PRDM1: variants seen among roughly 807,000 people sequenced by gnomAD.
PRDM1 encodes the protein PR domain zinc finger protein 1.
PRDM1 carries 13 observed loss-of-function variants against 62.8 expected under a neutral mutation model. The observed-to-expected ratio is 0.21, with a 90% CI of 0.13 to 0.33. The LOEUF (loss-of-function observed/expected upper bound fraction) is 0.33, where lower values mean the gene tolerates loss of function less well. Ranked by LOEUF, PRDM1 falls within the 10% of genes least tolerant of loss-of-function variation. PRDM1 has a pLI of 1.00. For missense variants in PRDM1, 895 were observed against 1,058.8 expected (o/e 0.85, Z 2.15); for synonymous variants, 396 against 417.6 (o/e 0.95, Z 0.63).
At chr6:106,011,796 T>C (rs1391523823) in intron 1 of PRDM1, among the ~76,000 whole-genome samples, 1 of 151,934 alleles carries the variant, frequency 6.6e-6, no homozygotes, top group African/African-American at 2.4e-5. Flanking sequence ...GTCAGCCTCC[T>C]GCCTCAGTCA....
intron 1 of PRDM1, among the ~76,000 whole-genome samples, chr6:106,025,040 GA>G (rs138388470): frequency 1.5e-4 from 23 of 150,704 alleles, no homozygotes; most frequent in African/African-American, 3.7e-4. Flanking sequence ...ATCTCGTTAA[GA>G]AAAAAAAATG....
chr6:106,074,803 C>G (rs1773576611), intron 1 of PRDM1, among the ~76,000 whole-genome samples: 1 of 152,132 alleles, frequency 6.6e-6, no homozygotes, highest in Non-Finnish European at 1.5e-5. Context: ...GGCGAAACCC[C>G]ATCTCTACTA....
At chr6:106,073,704 T>G (rs1404104069) in intron 1 of PRDM1, among the ~76,000 whole-genome samples, 5 of 152,214 alleles carry the variant, frequency 3.3e-5, no homozygotes, top group African/African-American at 1.2e-4. Context: ...GTTGGAATCA[T>G]GATCAGTCAC....
At chr6:106,069,352 A>G (rs1773477727) in intron 1 of PRDM1, among the ~76,000 whole-genome samples, 1 of 152,166 alleles carries the variant, frequency 6.6e-6, no homozygotes, top group African/African-American at 2.4e-5. Flanking sequence ...AAAAAAATCA[A>G]AGTTATCAAA....
At chr6:106,060,105 G>A (rs561318251) in intron 1 of PRDM1, among the ~76,000 whole-genome samples, 7 of 152,172 alleles carry the variant, frequency 4.6e-5, no homozygotes, top group African/African-American at 7.2e-5. Flanking sequence ...TGTAGTTAAT[G>A]TATTCAATCC....
At chr6:106,098,683 G>A in intron 3 of PRDM1, 1 of 1,364,160 alleles carries the variant, frequency 7.3e-7, no homozygotes, top group Non-Finnish European at 9.7e-7. Flanking sequence ...TATGGCAGGT[G>A]AAGTTCACCT....
intron 3 of PRDM1, among the ~76,000 whole-genome samples, chr6:106,096,655 TCCAACCAAAAGATCTAG>T (rs1774125065): frequency 1.3e-5 from 2 of 152,220 alleles, no homozygotes; most frequent in Non-Finnish European, 2.9e-5. Flanking sequence ...TCCTATAGCA[TCCAACCAAAAGATCTAG>T]CCAGTACAAT....
intron 1 of PRDM1, among the ~76,000 whole-genome samples, chr6:105,995,961 G>C (rs946053266): frequency 5.9e-5 from 9 of 152,188 alleles, no homozygotes; most frequent in African/African-American, 1.9e-4. Context: ...TCCTTGCTCT[G>C]TGTTGGAAAA....
chr6:106,041,370 T>G (rs1419920133), intron 1 of PRDM1, among the ~76,000 whole-genome samples: 1 of 152,268 alleles, frequency 6.6e-6, no homozygotes, highest in Non-Finnish European at 1.5e-5. Context: ...GAAAAATATC[T>G]GGGACATCTG....
chr6:106,075,930 A>G (rs887136296), intron 1 of PRDM1, among the ~76,000 whole-genome samples: 1 of 151,360 alleles, frequency 6.6e-6, no homozygotes, highest in African/African-American at 2.4e-5. Context: ...AATAAAAATC[A>G]CTACAGGGAA....
At chr6:105,999,107 T>C (rs1008853332) in intron 1 of PRDM1, among the ~76,000 whole-genome samples, 1 of 151,738 alleles carries the variant, frequency 6.6e-6, no homozygotes, top group African/African-American at 2.4e-5. Flanking sequence ...CCAGCTAATT[T>C]TGTTTAATTT....
At chr6:106,051,995 A>G (rs1773183056) in intron 1 of PRDM1, among the ~76,000 whole-genome samples, 1 of 152,218 alleles carries the variant, frequency 6.6e-6, no homozygotes, top group African/African-American at 2.4e-5. Flanking sequence ...ATAGACACAG[A>G]AAGTAGAATA....
chr6:105,992,774 C>A (rs1393424596), upstream of PRDM1, among the ~76,000 whole-genome samples: 1 of 152,256 alleles, frequency 6.6e-6, no homozygotes, highest in African/African-American at 2.4e-5. Context: ...TGCCTGTAAA[C>A]CTCGAGAGCT....
intron 1 of PRDM1, among the ~76,000 whole-genome samples, chr6:106,034,736 A>G (rs2114570390): frequency 6.7e-6 from 1 of 148,424 alleles, no homozygotes; most frequent in South Asian, 2.1e-4. Context: ...GGTTCAAGTG[A>G]TTCTCCTGTC....
At chr6:106,076,054 C>G (rs531460617) in intron 1 of PRDM1, among the ~76,000 whole-genome samples, 1 of 151,912 alleles carries the variant, frequency 6.6e-6, no homozygotes, top group African/African-American at 2.4e-5. Flanking sequence ...CATGCTCAAG[C>G]CATCCTCCAA....
chr6:106,106,219 A>C lies in PRDM1; in HGVS notation c.1774-152A>C, dbSNP rs1264868399. On this transcript the variant is annotated intron_variant, in intron 5 of 6. Coordinates refer to ENST00000369096, the MANE Select transcript of PRDM1 (RefSeq NM_001198.4). This position sits in a 1 kb window ranked among gnomAD's most constrained non-coding sequence, Gnocchi z 4.4. ...TGTGATTTTTGTGCTTTTAAGAAAA[A>C]CACCATTCTGAAAACATGAAGATTT... is the stretch of plus-strand genomic sequence containing the variant. 7.7e-7 allele frequency: 1 copy of C among 1,296,114 alleles called. No individual in the cohort carries two copies. The highest frequency in any genetic ancestry group is 1.1e-6 in the Non-Finnish European group (1 of 949,144). 80.3% of individuals were successfully genotyped at this position (1,296,114 alleles called of 1,614,324 possible).
At chr6:106,023,046 C>T (rs934471102) in intron 1 of PRDM1, among the ~76,000 whole-genome samples, 1 of 152,176 alleles carries the variant, frequency 6.6e-6, no homozygotes, top group Non-Finnish European at 1.5e-5. Context: ...CTGTCAGCTT[C>T]CCCCTCGTGT....
chr6:106,106,542 A>G lies in PRDM1; in HGVS notation c.1902+43A>G. 2 of 1,611,436 alleles carry G rather than the reference A, an allele frequency of 1.2e-6. No individual in the cohort carries two copies. The highest frequency in any genetic ancestry group is 1.7e-6 in the Non-Finnish European group (2 of 1,179,010). ...GGTAGACCTTCTGACCTTTGTAGAA[A>G]ATGTCTGTGAGTCACCCTCCCATGT... On this transcript the variant is annotated intron_variant, in intron 6 of 6. Coordinates refer to ENST00000369096, the MANE Select transcript of PRDM1 (RefSeq NM_001198.4). The surrounding 1 kb of genome is among the most constrained non-coding windows in gnomAD (Gnocchi z 4.4).
At chr6:106,043,213 C>T (rs1014931738) in intron 1 of PRDM1, among the ~76,000 whole-genome samples, 1 of 152,184 alleles carries the variant, frequency 6.6e-6, no homozygotes, top group Admixed American at 6.5e-5. Flanking sequence ...TCTCTGAACA[C>T]CCAGTTTCCC....
Sources: gnomAD v4.1 joint callset for allele counts (sites outside exome capture counted in the v4.1 genomes callset) on GRCh38, gnomAD v4.1.1 for gene constraint, Gnocchi (gnomAD v3.1) non-coding constraint, MANE v1.5 for transcripts, NCBI Gene and HGNC (gene_info 2026-07-23, HGNC 2026-07-21) for gene names.